Variants in ZFHX3 observed in about 807,000 individuals in gnomAD.
ZFHX3 encodes zinc finger homeobox 3.
ZFHX3 carries 42 observed loss-of-function variants against 279.1 expected under a neutral mutation model. That is an observed-to-expected ratio of 0.15 (90% CI 0.12 to 0.19). ZFHX3 has a LOEUF of 0.19. ZFHX3 is among the 10% of genes least tolerant of loss of function. The probability of loss-of-function intolerance (pLI) is 1.00; values close to 1 mark genes in which losing one functional copy is unlikely to be tolerated. For missense variants in ZFHX3, 4,981 were observed against 4,754.0 expected (o/e 1.05, Z -1.40); for synonymous variants, 2,293 against 1,957.8 (o/e 1.17, Z -4.52).
chr16:73,545,031 C>T (rs1047009899), intron 2 of ZFHX3, among the ~76,000 whole-genome samples: 5 of 152,140 alleles, frequency 3.3e-5, no homozygotes, highest in African/African-American at 1.2e-4. Flanking sequence ...CTGGATCTTA[C>T]ACGAGGCCCC....
intron 1 of ZFHX3, among the ~76,000 whole-genome samples, chr16:73,022,570 C>G (rs1370238625): frequency 6.6e-6 from 1 of 152,132 alleles, no homozygotes; most frequent in Non-Finnish European, 1.5e-5. Context: ...GTGTGACAAC[C>G]AAGAATGTCT....
chr16:73,224,867 G>A (rs139906504), intron 5 of ZFHX3, among the ~76,000 whole-genome samples: 14 of 152,232 alleles, frequency 9.2e-5, no homozygotes, highest in African/African-American at 3.4e-4. Context: ...CTGAATGGTG[G>A]AGGTGGCTGA....
intron 3 of ZFHX3, among the ~76,000 whole-genome samples, chr16:72,932,461 C>T (rs1040898141): frequency 2.5e-4 from 37 of 150,574 alleles, no homozygotes; most frequent in African/African-American, 7.4e-4. Context: ...GGAGATATCC[C>T]TTTGGGAAAA....
At chr16:73,099,002 G>A (rs1446009606) in intron 7 of ZFHX3, 4 of 152,170 alleles carry the variant, frequency 2.6e-5, no homozygotes, top group African/African-American at 9.7e-5. Context: ...CATGTCAGCC[G>A]GAGCAGAGGT....
rs767628884 is a variant in ZFHX3 at position 73,216,901 on chromosome 16, G to C, written c.-1104+40146C>G. Among the ~76,000 whole-genome samples, 46 of 152,218 alleles carry C rather than the reference G, an allele frequency of 3.0e-4. 1 individual carries two copies. Among genetic ancestry groups the C allele is most frequent in the Non-Finnish European group, 8.8e-5 (6 of 68,034 alleles). ...CTGAACAACGGTCTGGGTTTCAGTAGGAGACAGATAGTGGTGCAAATATCC... is the reference window on the plus strand; with the variant it reads ...CTGAACAACGGTCTGGGTTTCAGTACGAGACAGATAGTGGTGCAAATATCC... On this transcript the variant is annotated intron_variant, in intron 5 of 17. Transcript: ENST00000641206.
chr16:73,152,940 T>C (rs1966980699), intron 5 of ZFHX3, among the ~76,000 whole-genome samples: 1 of 152,042 alleles, frequency 6.6e-6, no homozygotes, highest in Admixed American at 6.6e-5. Context: ...GACCACAGGC[T>C]GAGCCGGGTC....
At chr16:72,987,307 AAAC>A (rs1962889663) in intron 1 of ZFHX3, among the ~76,000 whole-genome samples, 1 of 152,230 alleles carries the variant, frequency 6.6e-6, no homozygotes, top group African/African-American at 2.4e-5. Context: ...TAGGCCTTCA[AAAC>A]AACATTTGCA....
intron 3 of ZFHX3, among the ~76,000 whole-genome samples, chr16:73,377,039 T>G: frequency 6.6e-6 from 1 of 151,070 alleles, no homozygotes; most frequent in Non-Finnish European, 1.5e-5. Context: ...TGGCACCATC[T>G]TGGCTCACTG....
At chr16:73,324,920 A>T (rs115087723) in intron 3 of ZFHX3, among the ~76,000 whole-genome samples, 3,122 of 152,290 alleles carry the variant, frequency 0.021, 112 homozygotes, top group African/African-American at 0.071. Flanking sequence ...TCTCAAGGGG[A>T]TCAACATTTG....
intron 1 of ZFHX3, among the ~76,000 whole-genome samples, chr16:73,739,870 G>A (rs1287256858): frequency 6.6e-6 from 1 of 152,114 alleles, no homozygotes; most frequent in African/African-American, 2.4e-5. Context: ...AAGGCATGAG[G>A]AAAACAGTAC....
chr16:73,822,096 CA>C (rs1444267065), intron 1 of ZFHX3, among the ~76,000 whole-genome samples: 1 of 152,202 alleles, frequency 6.6e-6, no homozygotes, highest in Non-Finnish European at 1.5e-5. Context: ...CCCCTGGCAT[CA>C]TCAGTGTCCA....
chr16:72,861,623 A>C (rs1026606187), intron 4 of ZFHX3, among the ~76,000 whole-genome samples: 1 of 152,200 alleles, frequency 6.6e-6, no homozygotes, highest in African/African-American at 2.4e-5. Flanking sequence ...ATCAGAGAAA[A>C]ATTCTATCTG....
At chr16:73,856,026 A>T (rs1231651574) in intron 1 of ZFHX3, among the ~76,000 whole-genome samples, 2 of 152,250 alleles carry the variant, frequency 1.3e-5, no homozygotes, top group African/African-American at 4.8e-5. Flanking sequence ...CACTAAAAAA[A>T]TCAGGTCATA....
chr16:73,509,354 C>T (rs1362668910), intron 2 of ZFHX3, among the ~76,000 whole-genome samples: 1 of 152,004 alleles, frequency 6.6e-6, no homozygotes, highest in Non-Finnish European at 1.5e-5. Flanking sequence ...CCTTCTCCCC[C>T]TCCACCCCCT....
chr16:73,005,803 G>A (rs1432764601), intron 1 of ZFHX3: 1 of 152,046 alleles, frequency 6.6e-6, no homozygotes, highest in African/African-American at 2.4e-5. Context: ...AAAAAAAAAG[G>A]TCTTCAGCAT....
At chr16:72,918,017 G>A (rs965111428) in intron 3 of ZFHX3, among the ~76,000 whole-genome samples, 6 of 151,882 alleles carry the variant, frequency 4.0e-5, no homozygotes, top group African/African-American at 9.7e-5. Flanking sequence ...AGGTTGAGGG[G>A]ACAAGGAGGC....
rs1451753704 is a variant in ZFHX3 at position 73,689,881 on chromosome 16, G to C, written c.-1607-9641C>G. 2.0e-5 allele frequency among the ~76,000 whole-genome samples: 3 copies of C among 151,368 alleles called. No individual in the cohort carries two copies. In the East Asian group the frequency reaches 5.8e-4, roughly 29 times the overall value. On this transcript the variant is annotated intron_variant, in intron 1 of 17. Coordinates refer to the ZFHX3 transcript ENST00000641206. Reference sequence around the variant, plus strand: ...GCTCTGTCGCCCAGGCTGGAGTGCAGTGGTGCACGCTCACTGCAACCTCCG... The same window carrying C: ...GCTCTGTCGCCCAGGCTGGAGTGCACTGGTGCACGCTCACTGCAACCTCCG...
At position 73,686,345 on chromosome 16, in the gene ZFHX3, C is replaced by T. The variant is rs1321636892; in HGVS notation, c.-1607-6105G>A. 3.3e-5 allele frequency among the ~76,000 whole-genome samples: 5 copies of T among 152,268 alleles called. No individual in the cohort carries two copies. In the East Asian group the frequency reaches 9.7e-4, roughly 29 times the overall value. The stretch of plus-strand genomic sequence containing the variant: ...TCCAGACCTCGTGATCCACCCACCT[C>T]GGCCTCCCAAAGTGCTGGGATAAGG... On this transcript the variant is annotated intron_variant, in intron 1 of 17. Coordinates refer to the ZFHX3 transcript ENST00000641206.
chr16:73,834,837 G>A (rs948011661), intron 1 of ZFHX3, among the ~76,000 whole-genome samples: 1 of 152,136 alleles, frequency 6.6e-6, no homozygotes, highest in Non-Finnish European at 1.5e-5. Context: ...GTTGCAGTGA[G>A]CCTACCAGCA....
Sources: allele counts gnomAD v4.1 joint callset (sites outside exome capture counted in the v4.1 genomes callset), GRCh38; gene constraint gnomAD v4.1.1; transcripts MANE v1.5; gene names NCBI Gene and HGNC (gene_info 2026-07-23, HGNC 2026-07-21).